The following POU6F2 variants were observed in gnomAD, a reference collection of about 807,000 sequenced individuals.
POU6F2 encodes the protein POU domain, class 6, transcription factor 2.
POU6F2 carries 31 observed loss-of-function variants against 71.3 expected under a neutral mutation model. The observed-to-expected ratio is 0.43, with a 90% CI of 0.33 to 0.59. The LOEUF is 0.59. POU6F2 is among the 20% of genes least tolerant of loss of function. The pLI, the probability that POU6F2 is intolerant of heterozygous loss-of-function variation, is 0.04. For missense variants in POU6F2, 783 were observed against 856.8 expected (o/e 0.91, Z 1.07); for synonymous variants, 347 against 355.7 (o/e 0.98, Z 0.27).
intron 4 of POU6F2, among the ~76,000 whole-genome samples, chr7:39,254,340 A>T (rs952865698): frequency 2.2e-4 from 34 of 152,198 alleles, no homozygotes; most frequent in African/African-American, 8.0e-4. Flanking sequence ...TTGCAGTACC[A>T]AAAAGAAAAT....
chr7:39,328,018 T>G (rs1785552097), intron 4 of POU6F2, among the ~76,000 whole-genome samples: 1 of 152,102 alleles, frequency 6.6e-6, no homozygotes, highest in African/African-American at 2.4e-5. Flanking sequence ...TCTCCCAGGT[T>G]CAAGCAATTC....
At chr7:39,016,352 A>G (rs965494803) in intron 1 of POU6F2, among the ~76,000 whole-genome samples, 2 of 151,390 alleles carry the variant, frequency 1.3e-5, no homozygotes, top group African/African-American at 2.4e-5. Flanking sequence ...AGTAATTCCA[A>G]TTCATTGGTT....
intron 1 of POU6F2, among the ~76,000 whole-genome samples, chr7:39,077,663 C>G (rs1364820204): frequency 2.6e-5 from 4 of 152,064 alleles, no homozygotes; most frequent in African/African-American, 7.2e-5. Context: ...GACAAGAGAC[C>G]CTTAAACTGC....
chr7:39,142,219 G>T (rs938932073), intron 2 of POU6F2, among the ~76,000 whole-genome samples: 1 of 152,208 alleles, frequency 6.6e-6, no homozygotes, highest in Non-Finnish European at 1.5e-5. Context: ...AATGGTACAT[G>T]CTGAAGCATG....
rs141149236 is a variant in POU6F2, at chr7:39,450,395, G to A, written c.1321-1138G>A. Among the ~76,000 whole-genome samples the A allele has an allele frequency of 2.3e-3, 349 of 152,258 alleles. 4 individuals are homozygous for A. The highest frequency in any genetic ancestry group is 7.6e-3 in the African/African-American group (315 of 41,548). On this transcript the variant is annotated intron_variant, in intron 7 of 9. Transcript: ENST00000518318. ...AAAAGTGCTACATCCAATCAACAAA[G>A]ATGGCTAATGCTGAGGCTCCTTGTC...
chr7:39,344,262 AG>A (rs375369409), intron 5 of POU6F2, among the ~76,000 whole-genome samples: 165 of 152,222 alleles, frequency 1.1e-3, no homozygotes, highest in Middle Eastern at 0.01. Flanking sequence ...TGCTTATATG[AG>A]GAATGAGGGG....
chr7:39,278,244 T>C (rs1784495380), intron 4 of POU6F2, among the ~76,000 whole-genome samples: 1 of 152,052 alleles, frequency 6.6e-6, no homozygotes, highest in South Asian at 2.1e-4. Context: ...ATAGGATCCA[T>C]GGGACACTTT....
intron 1 of POU6F2, among the ~76,000 whole-genome samples, chr7:39,082,480 C>T (rs1020010963): frequency 5.3e-5 from 8 of 152,172 alleles, no homozygotes; most frequent in Non-Finnish European, 1.0e-4. Context: ...CTGTTTACCG[C>T]TGCAGAGATC....
At chr7:39,022,355 T>C (rs1455836448) in intron 1 of POU6F2, among the ~76,000 whole-genome samples, 1 of 152,126 alleles carries the variant, frequency 6.6e-6, no homozygotes, top group Non-Finnish European at 1.5e-5. Context: ...TATTTACTTT[T>C]ATCTGTAGGT....
rs573266513 is a variant in POU6F2, at chr7:39,436,277, T to C, written c.1320+2994T>C. The stretch of plus-strand genomic sequence containing the variant: ...AAAGGATGGAACGTTTTTCCATTTG[T>C]TTGTGTCCTCTCTTATTTCATTGAG... On this transcript the variant is annotated intron_variant, in intron 7 of 9. Transcript: ENST00000518318. Among the ~76,000 whole-genome samples the C allele has an allele frequency of 2.0e-5, 3 of 152,302 alleles. 1 individual carries two copies. In the East Asian group the frequency reaches 5.8e-4, roughly 29 times the overall value.
At chr7:39,020,464 A>G (rs569123312) in intron 1 of POU6F2, among the ~76,000 whole-genome samples, 5 of 152,224 alleles carry the variant, frequency 3.3e-5, no homozygotes, top group African/African-American at 1.2e-4. Context: ...GTATGGGCTA[A>G]ATGGTATTTC....
At chr7:39,368,124 G>A (rs1255273687) in intron 5 of POU6F2, among the ~76,000 whole-genome samples, 1 of 152,108 alleles carries the variant, frequency 6.6e-6, no homozygotes, top group African/African-American at 2.4e-5. Context: ...TTTTTAAATC[G>A]AAAGCTAGAA....
At chr7:39,336,784 T>G (rs1009073850) in intron 4 of POU6F2, among the ~76,000 whole-genome samples, 1 of 152,214 alleles carries the variant, frequency 6.6e-6, no homozygotes, top group East Asian at 1.9e-4. Context: ...GAAGTCCAAG[T>G]AAATGCTGAA....
chr7:39,325,283 A>G (rs1785483542), intron 4 of POU6F2, among the ~76,000 whole-genome samples: 1 of 152,216 alleles, frequency 6.6e-6, no homozygotes, highest in South Asian at 2.1e-4. Context: ...ATGTGGTCCT[A>G]GAATCATGTC....
intron 2 of POU6F2, among the ~76,000 whole-genome samples, chr7:39,171,158 A>C (rs1343081204): frequency 6.6e-6 from 1 of 151,206 alleles, no homozygotes; most frequent in Non-Finnish European, 1.5e-5. Flanking sequence ...CCCTGCATGC[A>C]TTAGGTATTT....
chr7:39,352,737 CT>C (rs965005876), intron 5 of POU6F2, among the ~76,000 whole-genome samples: 2 of 151,740 alleles, frequency 1.3e-5, no homozygotes, highest in South Asian at 2.1e-4. Context: ...CAATGGTTTC[CT>C]TTTTTTTCAA....
At chr7:39,326,417 T>C (rs1785504445) in intron 4 of POU6F2, among the ~76,000 whole-genome samples, 1 of 152,264 alleles carries the variant, frequency 6.6e-6, no homozygotes, top group Non-Finnish European at 1.5e-5. Context: ...GGCAAGATTC[T>C]CTGATGGATA....
At chr7:39,347,673 C>CTAATCTCTTTAGGACTCAGTTGTGTCA (rs1554345315) in intron 5 of POU6F2, among the ~76,000 whole-genome samples, 3 of 146,482 alleles carry the variant, frequency 2.0e-5, no homozygotes, top group South Asian at 2.2e-4. Context: ...TCACTGTCAC[C>CTAATCTCTTTAGGACTCAGTTGTGTCA]CAGGCTGGCA....
intron 2 of POU6F2, among the ~76,000 whole-genome samples, chr7:39,098,911 G>A (rs1209429731): frequency 6.6e-6 from 1 of 152,190 alleles, no homozygotes; most frequent in Non-Finnish European, 1.5e-5. Flanking sequence ...AACAAAAATT[G>A]TGGCCTTTGG....
Sources: allele counts gnomAD v4.1 joint callset (sites outside exome capture counted in the v4.1 genomes callset), GRCh38; gene constraint gnomAD v4.1.1; transcripts MANE v1.5; gene names NCBI Gene and HGNC (gene_info 2026-07-23, HGNC 2026-07-21).